The following ERBB4 variants were observed in gnomAD, a reference collection of about 807,000 sequenced individuals.
ERBB4 encodes the protein erb-b2 receptor tyrosine kinase 4.
In ERBB4, 42 loss-of-function variants were observed where a neutral mutation model predicts 158.0. The ratio of observed to expected loss-of-function variants is 0.27; its 90% CI spans 0.21 to 0.34. The LOEUF is 0.34. Among genes scored for constraint, ERBB4 ranks in the 10% least tolerant of loss-of-function variants. The probability of loss-of-function intolerance (pLI) is 1.00; values close to 1 mark genes in which losing one functional copy is unlikely to be tolerated. For synonymous variants in ERBB4, 583 were observed against 558.7 expected (o/e 1.04, Z -0.61); for missense variants, 1,333 against 1,624.1 (o/e 0.82, Z 3.08).
rs770512468 is a variant in ERBB4 at position 212,370,758 on chromosome 2, T to C, written c.82+167691A>G. Among the ~76,000 whole-genome samples, 233 of 152,306 alleles carry C rather than the reference T, an allele frequency of 1.5e-3. 1 individual carries two copies. Among genetic ancestry groups the C allele is most frequent in the Non-Finnish European group, 2.3e-3 (155 of 68,020 alleles). ...CTGTTTTTATATAACCCTTAAACAC[T>C]GATTCCCTTAAACAATGAAGGTATC... On this transcript the variant is annotated intron_variant, in intron 1 of 27. Transcript: ENST00000342788.
At chr2:212,425,341 C>CAT (rs1057411412) in intron 1 of ERBB4, among the ~76,000 whole-genome samples, 1 of 146,840 alleles carries the variant, frequency 6.8e-6, no homozygotes, top group African/African-American at 2.5e-5. Flanking sequence ...TATAAGGATA[C>CAT]ATATATATGA....
At chr2:211,474,465 G>A (rs2064905805) in intron 20 of ERBB4, among the ~76,000 whole-genome samples, 1 of 151,754 alleles carries the variant, frequency 6.6e-6, no homozygotes, top group Admixed American at 6.6e-5. Context: ...TTTAAACCAT[G>A]GATTTAATAA....
At chr2:212,307,616 T>C (rs896799304) in intron 1 of ERBB4, among the ~76,000 whole-genome samples, 1 of 151,032 alleles carries the variant, frequency 6.6e-6, no homozygotes, top group Non-Finnish European at 1.5e-5. Context: ...ATGAAAAGCA[T>C]AGAGAATTGA....
Position 211,587,994 on chromosome 2 carries a change from G to A in ERBB4, c.2302-25906C>T, listed in dbSNP as rs867808699. Among the ~76,000 whole-genome samples, 21 of 152,128 alleles carry A rather than the reference G, an allele frequency of 1.4e-4. 1 individual carries two copies. The highest frequency in any genetic ancestry group is 2.1e-4 in the Non-Finnish European group (14 of 68,012). On this transcript the variant is annotated intron_variant, in intron 19 of 27. Coordinates refer to ENST00000342788, the MANE Select transcript of ERBB4 (RefSeq NM_005235.3). ...ATAAGGACAAATTAAGTAAATTGCT[G>A]TACAGCCACAGAGTGTAATGATCTA... is the stretch of plus-strand genomic sequence containing the variant.
intron 20 of ERBB4, among the ~76,000 whole-genome samples, chr2:211,535,275 A>AT (rs1237175812): frequency 2.0e-5 from 3 of 152,082 alleles, no homozygotes; most frequent in Non-Finnish European, 4.4e-5. Context: ...TGATCCTGAT[A>AT]GGTAAGGCGT....
At chr2:212,481,104 A>T (rs939898582) in intron 1 of ERBB4, among the ~76,000 whole-genome samples, 6 of 152,260 alleles carry the variant, frequency 3.9e-5, no homozygotes, top group Admixed American at 3.9e-4. Flanking sequence ...CATGTGAGTT[A>T]TAGGTATTGT....
At chr2:212,443,991 T>C (rs952553073) in intron 1 of ERBB4, among the ~76,000 whole-genome samples, 1 of 152,102 alleles carries the variant, frequency 6.6e-6, no homozygotes, top group Admixed American at 6.6e-5. Flanking sequence ...AAAATCAGCA[T>C]TCCATCACCA....
intron 2 of ERBB4, among the ~76,000 whole-genome samples, chr2:212,046,584 CAATT>C (rs1286044699): frequency 6.6e-6 from 1 of 152,168 alleles, no homozygotes. Flanking sequence ...TCGTATTCAT[CAATT>C]AATAGGACAT....
At chr2:212,259,249 T>C (rs532977930) in intron 1 of ERBB4, among the ~76,000 whole-genome samples, 2 of 152,304 alleles carry the variant, frequency 1.3e-5, no homozygotes, top group South Asian at 4.1e-4. Context: ...TTAAGAAATC[T>C]ATTAACCAAC....
intron 1 of ERBB4, among the ~76,000 whole-genome samples, chr2:212,444,614 C>A (rs2092314940): frequency 1.3e-5 from 2 of 152,100 alleles, no homozygotes; most frequent in Non-Finnish European, 2.9e-5. Flanking sequence ...TATGGATACT[C>A]CTCAGCCTCT....
At chr2:212,437,674 G>C (rs1056541540) in intron 1 of ERBB4, among the ~76,000 whole-genome samples, 34 of 152,070 alleles carry the variant, frequency 2.2e-4, no homozygotes, top group African/African-American at 7.9e-4. Flanking sequence ...TCCATAATTG[G>C]GTTAACATCT....
intron 20 of ERBB4, among the ~76,000 whole-genome samples, chr2:211,524,027 G>C (rs1410008742): frequency 1.3e-5 from 2 of 152,120 alleles, no homozygotes; most frequent in African/African-American, 4.8e-5. Flanking sequence ...GGTAGATACA[G>C]AGTGTTGATT....
chr2:211,654,954 G>A (rs934952652), intron 16 of ERBB4, among the ~76,000 whole-genome samples: 2 of 152,028 alleles, frequency 1.3e-5, no homozygotes, highest in African/African-American at 4.8e-5. Context: ...AATATGTCCT[G>A]GAAACCGAAG....
chr2:211,395,441 A>G (rs187452287), intron 25 of ERBB4, among the ~76,000 whole-genome samples: 1 of 152,048 alleles, frequency 6.6e-6, no homozygotes, highest in Non-Finnish European at 1.5e-5. Flanking sequence ...CCTCAAATTA[A>G]CTTTTAATAA....
chr2:211,929,265 G>A (rs1315558841), intron 3 of ERBB4, among the ~76,000 whole-genome samples: 4 of 124,744 alleles, frequency 3.2e-5, no homozygotes, highest in Non-Finnish European at 7.4e-5. Context: ...GTGTGTGTGT[G>A]ACAGAGAGAG....
chr2:212,464,508 G>A (rs2170530), intron 1 of ERBB4, among the ~76,000 whole-genome samples: 10,730 of 152,000 alleles, frequency 0.071, 882 homozygotes, highest in African/African-American at 0.2. Context: ...ACATGGGAGT[G>A]CCAGTTTAGC....
chr2:211,913,907 G>C (rs1036185087), intron 3 of ERBB4, among the ~76,000 whole-genome samples: 5 of 151,102 alleles, frequency 3.3e-5, no homozygotes, highest in African/African-American at 1.2e-4. Flanking sequence ...TAAAACAATA[G>C]AAAATAGGTA....
At chr2:212,139,507 A>G (rs2080376133) in intron 1 of ERBB4, among the ~76,000 whole-genome samples, 1 of 152,024 alleles carries the variant, frequency 6.6e-6, no homozygotes, top group Admixed American at 6.6e-5. Flanking sequence ...TAGAAGTTCT[A>G]TAGCATCAGG....
At chr2:211,595,023 T>G (rs2125800816) in intron 19 of ERBB4, among the ~76,000 whole-genome samples, 1 of 152,332 alleles carries the variant, frequency 6.6e-6, no homozygotes, top group Admixed American at 6.5e-5. Flanking sequence ...TAGAATGTCT[T>G]TTTGTCTTTA....
Sources: gnomAD v4.1 joint callset for allele counts (sites outside exome capture counted in the v4.1 genomes callset) on GRCh38, gnomAD v4.1.1 for gene constraint, MANE v1.5 for transcripts, NCBI Gene and HGNC (gene_info 2026-07-23, HGNC 2026-07-21) for gene names.